The following AJAP1 variants were observed in gnomAD, a reference collection of about 807,000 sequenced individuals.
The protein encoded by AJAP1 is adherens junction-associated protein 1.
AJAP1 carries 5 observed loss-of-function variants against 35.0 expected under a neutral mutation model. That is an observed-to-expected ratio of 0.14 (90% CI 0.07 to 0.30). The LOEUF (loss-of-function observed/expected upper bound fraction) is 0.30. Ranked by LOEUF, AJAP1 falls within the 10% of genes least tolerant of loss-of-function variation. The pLI, the probability that AJAP1 is intolerant of heterozygous loss-of-function variation, is 1.00. For synonymous variants in AJAP1, 284 were observed against 249.3 expected (o/e 1.14, Z -1.31); for missense variants, 586 against 571.0 (o/e 1.03, Z -0.27).
At chr1:4,732,423 G>T (rs1301184124) in intron 2 of AJAP1, among the ~76,000 whole-genome samples, 1 of 152,246 alleles carries the variant, frequency 6.6e-6, no homozygotes, top group African/African-American at 2.4e-5. Flanking sequence ...CTGGAGAGGG[G>T]ACCTCCAAGC....
At chr1:4,730,667 A>G (rs1294669758) in intron 2 of AJAP1, among the ~76,000 whole-genome samples, 1 of 152,182 alleles carries the variant, frequency 6.6e-6, no homozygotes, top group Non-Finnish European at 1.5e-5. Flanking sequence ...GCCTGGGGAA[A>G]GGACCCGTGT....
intron 3 of AJAP1, among the ~76,000 whole-genome samples, chr1:4,771,153 G>T (rs1402793465): frequency 6.6e-6 from 1 of 152,180 alleles, no homozygotes; most frequent in Non-Finnish European, 1.5e-5. Context: ...GCTTATAGCA[G>T]ACCTTCAAAG....
chr1:4,773,358 C>T lies in AJAP1; in HGVS notation c.1163+833C>T, dbSNP rs116028371. Among the ~76,000 whole-genome samples, 836 of 152,254 alleles carry T rather than the reference C, an allele frequency of 5.5e-3. 7 individuals are homozygous for T. The highest frequency in any genetic ancestry group is 0.019 in the African/African-American group (787 of 41,546). On this transcript the variant is annotated intron_variant, in intron 4 of 5. Coordinates refer to ENST00000378191, the MANE Select transcript of AJAP1 (RefSeq NM_018836.4). The stretch of plus-strand genomic sequence containing the variant: ...AAAGGGCTGGCTGCATGCTCCCTTT[C>T]GTTCTGTTTGCTGATTTGTTCAGGG...
At chr1:4,674,444 TGG>T (rs1301104677) in intron 1 of AJAP1, among the ~76,000 whole-genome samples, 1 of 152,206 alleles carries the variant, frequency 6.6e-6, no homozygotes, top group Non-Finnish European at 1.5e-5. Context: ...CAGAGTTGAG[TGG>T]TTGTGACAGA....
chr1:4,736,505 C>G (rs1217977522), intron 2 of AJAP1, among the ~76,000 whole-genome samples: 1 of 152,246 alleles, frequency 6.6e-6, no homozygotes, highest in African/African-American at 2.4e-5. Flanking sequence ...GCGATAATCT[C>G]TTCCTTCCTC....
intron 3 of AJAP1, among the ~76,000 whole-genome samples, chr1:4,771,880 G>C (rs1641842856): frequency 6.6e-6 from 1 of 151,996 alleles, no homozygotes; most frequent in Non-Finnish European, 1.5e-5. Context: ...GTACCCAAAG[G>C]CTCCCACACA....
chr1:4,685,739 G>A (rs922957656), intron 1 of AJAP1, among the ~76,000 whole-genome samples: 71 of 152,316 alleles, frequency 4.7e-4, no homozygotes, highest in African/African-American at 1.5e-3. Context: ...GTCCATGGGG[G>A]ACCTTCTTTC....
intron 1 of AJAP1, among the ~76,000 whole-genome samples, chr1:4,699,243 C>T (rs183316493): frequency 2.2e-4 from 34 of 152,286 alleles, no homozygotes; most frequent in East Asian, 5.8e-4. Context: ...CCTGGCCCCA[C>T]GCTGCACCCT....
At position 4,671,973 on chromosome 1, in the gene AJAP1, C is replaced by T. The variant is rs1009613787; in HGVS notation, c.29+16519C>T. Among the ~76,000 whole-genome samples the T allele has an allele frequency of 2.6e-5, 4 of 152,212 alleles. No individual in the cohort carries two copies. The South Asian group carries it at 8.3e-4, about 32-fold the overall frequency. On this transcript the variant is annotated intron_variant, in intron 1 of 5. Coordinates refer to ENST00000378191, the MANE Select transcript of AJAP1 (RefSeq NM_018836.4). ...CTGTGAGGCACACTGTTCTCCTTAT[C>T]TCACAGGGCCCTGCAGACCCTCACC...
chr1:4,707,973 TG>T (rs1640137959), intron 1 of AJAP1, among the ~76,000 whole-genome samples: 2 of 109,760 alleles, frequency 1.8e-5, no homozygotes, highest in African/African-American at 7.1e-5. Context: ...GTTTTTTTTT[TG>T]TTTTTTTTTT....
chr1:4,663,923 C>T (rs1417582347), intron 1 of AJAP1, among the ~76,000 whole-genome samples: 3 of 152,090 alleles, frequency 2.0e-5, no homozygotes, highest in East Asian at 1.9e-4. Flanking sequence ...GGCCTGGGTG[C>T]GGGGCTTGCT....
At chr1:4,669,828 T>G (rs1192632068) in intron 1 of AJAP1, among the ~76,000 whole-genome samples, 1 of 152,210 alleles carries the variant, frequency 6.6e-6, no homozygotes, top group East Asian at 1.9e-4. Context: ...GATGGACATT[T>G]GGGTTGTTTC....
At chr1:4,666,587 G>GC (rs1639126053) in intron 1 of AJAP1, among the ~76,000 whole-genome samples, 2 of 143,126 alleles carry the variant, frequency 1.4e-5, no homozygotes, top group African/African-American at 2.6e-5. Flanking sequence ...GGTGCGGAGA[G>GC]GGGCCCGTGA....
chr1:4,741,141 G>A lies in AJAP1; in HGVS notation c.829+28442G>A, dbSNP rs552804452. Among the ~76,000 whole-genome samples the A allele has an allele frequency of 1.6e-4, 25 of 152,202 alleles. No homozygotes were observed. The South Asian group carries it at 3.5e-3, about 21-fold the overall frequency. ...TTGGGTGGATGAACAAACAGAAAAC[G>A]GGAGCTAGGTTTCTCTCTGGGAGAA... On this transcript the variant is annotated intron_variant, in intron 2 of 5. Coordinates refer to ENST00000378191, the MANE Select transcript of AJAP1 (RefSeq NM_018836.4).
chr1:4,684,646 G>A (rs539688615), intron 1 of AJAP1, among the ~76,000 whole-genome samples: 4 of 152,234 alleles, frequency 2.6e-5, no homozygotes, highest in South Asian at 2.1e-4. Context: ...AGCTTCTCAC[G>A]TGCCTCCAAA....
intron 1 of AJAP1, among the ~76,000 whole-genome samples, chr1:4,677,588 A>AT (rs1026874872): frequency 6.8e-6 from 1 of 147,566 alleles, no homozygotes; most frequent in Non-Finnish European, 1.5e-5. Context: ...GGAAGGAAGG[A>AT]TTAAAAAAAA....
chr1:4,702,177 T>TC (rs1640003823), intron 1 of AJAP1, among the ~76,000 whole-genome samples: 2 of 151,762 alleles, frequency 1.3e-5, no homozygotes. Context: ...TCCCCAATAT[T>TC]CCAGCGTGTC....
In AJAP1 at chr1:4,712,250, G is replaced by T; in HGVS notation, c.380G>T (p.Ser127Ile). 1 of 1,528,926 alleles carries T rather than the reference G, an allele frequency of 6.5e-7. No individual in the cohort carries two copies. The allele number at this position is 1,528,926 out of a possible 1,614,324, so 94.7% of individuals were successfully genotyped here. The change falls in exon 2 of 6, where the codon AGC (serine) becomes ATC (isoleucine). Residue 127 changes from serine (S) to isoleucine (I), a missense_variant. Ser to Ile is a moderately radical substitution (Grantham distance 142). Transcript: ENST00000378191. ...AAGCCCCCAGCTGCTGCCAAATCCA[G>T]CCCTTCCCTCGCCTCTTCGTCCTCG... ...LAKPPAAAKS[S>I]PSLASSSSSS...
intron 2 of AJAP1, among the ~76,000 whole-genome samples, chr1:4,759,835 G>A (rs1641524294): frequency 6.6e-6 from 1 of 152,100 alleles, no homozygotes; most frequent in South Asian, 2.1e-4. Flanking sequence ...GGAGTTGTCA[G>A]AAGGGACTCT....
Sources: allele counts gnomAD v4.1 joint callset (sites outside exome capture counted in the v4.1 genomes callset), GRCh38; gene constraint gnomAD v4.1.1; transcripts MANE v1.5; gene names NCBI Gene and HGNC (gene_info 2026-07-23, HGNC 2026-07-21).